The following GBF1 variants were observed in gnomAD, a reference collection of about 807,000 sequenced individuals.
GBF1 encodes Golgi-specific brefeldin A-resistance guanine nucleotide exchange factor 1.
GBF1 carries 114 observed loss-of-function variants against 210.5 expected under a neutral mutation model. The observed-to-expected ratio is 0.54, with a 90% CI of 0.47 to 0.63. The LOEUF is 0.63. Ranked by LOEUF, GBF1 falls within the 30% of genes least tolerant of loss-of-function variation. The pLI is 0.00. For synonymous variants in GBF1, 850 were observed against 889.2 expected, an observed-to-expected ratio of 0.96 and a Z score of 0.78; for missense variants, 1,851 against 2,357.7, an observed-to-expected ratio of 0.79 and a Z score of 4.45.
At chr10:102,324,953 G>A (rs554600394) in intron 3 of GBF1, among the ~76,000 whole-genome samples, 2 of 152,136 alleles carry the variant, frequency 1.3e-5, no homozygotes, top group Admixed American at 6.5e-5. Flanking sequence ...TAGTATTCTT[G>A]TGAGAATTAC....
intron 3 of GBF1, among the ~76,000 whole-genome samples, chr10:102,261,058 T>C (rs955088579): frequency 6.6e-6 from 1 of 152,196 alleles, no homozygotes; most frequent in African/African-American, 2.4e-5. Flanking sequence ...GTCCCCTTTT[T>C]GTGAAAGAAG....
intron 3 of GBF1, among the ~76,000 whole-genome samples, chr10:102,317,902 T>TTTTATTTTA (rs1554962614): frequency 7.4e-5 from 5 of 67,156 alleles, no homozygotes; most frequent in South Asian, 1.5e-3. Flanking sequence ...ATTTATTTAT[T>TTTTATTTTA]TTTATTTATT....
At chr10:102,231,165 C>T in the GBF1 span, 1 of 1,423,138 alleles carries the variant, frequency 7.0e-7, no homozygotes, top group Non-Finnish European at 9.2e-7. Flanking sequence ...AAGGGCGGGC[C>T]ACCCCGACGG....
chr10:102,290,304 G>A (rs2076328901), intron 3 of GBF1, among the ~76,000 whole-genome samples: 1 of 152,010 alleles, frequency 6.6e-6, no homozygotes, highest in Non-Finnish European at 1.5e-5. Flanking sequence ...GGGGCCAGAA[G>A]TTCTTAGCAT....
intron 3 of GBF1, among the ~76,000 whole-genome samples, chr10:102,295,361 A>G (rs75604961): frequency 0.01 from 1,568 of 152,350 alleles, 23 homozygotes; most frequent in African/African-American, 0.036. Flanking sequence ...CATATCAAAC[A>G]GTTGCAATAT....
chr10:102,240,498 C>T (rs565982265), upstream of GBF1, among the ~76,000 whole-genome samples: 6 of 152,366 alleles, frequency 3.9e-5, no homozygotes, highest in South Asian at 2.1e-4. Context: ...GGTGACCCAC[C>T]GCAGCCGACC....
At chr10:102,357,458 G>A (rs1378110971) in intron 8 of GBF1, among the ~76,000 whole-genome samples, 1 of 150,614 alleles carries the variant, frequency 6.6e-6, no homozygotes, top group Non-Finnish European at 1.5e-5. Flanking sequence ...CTGCACTCCA[G>A]CCTGGGTGGC....
chr10:102,358,760 A>T, intron 10 of GBF1, 31 bp downstream of exon 10: 1 of 1,375,404 alleles, frequency 7.3e-7, no homozygotes, highest in Non-Finnish European at 1.0e-6. Context: ...GTCCCTCTTC[A>T]GTATTCCACT....
chr10:102,230,873 A>T, the GBF1 span: 16 of 1,607,110 alleles, frequency 1.0e-5, no homozygotes, highest in Non-Finnish European at 1.3e-5. Flanking sequence ...ACGGGCTGCG[A>T]AGCCAGAGGC....
chr10:102,333,774 T>G (rs755244992), intron 3 of GBF1, among the ~76,000 whole-genome samples: 1 of 152,136 alleles, frequency 6.6e-6, no homozygotes, highest in Admixed American at 6.6e-5. Context: ...GAACACAGCT[T>G]CTTCCTACGG....
intron 4 of GBF1, among the ~76,000 whole-genome samples, chr10:102,345,262 A>G (rs1430320363): frequency 2.0e-5 from 3 of 149,508 alleles, no homozygotes; most frequent in Non-Finnish European, 4.5e-5. Flanking sequence ...AACCTGAGCA[A>G]CAGAGCGAGA....
At chr10:102,253,456 CA>C (rs1191817191) in intron 1 of GBF1, among the ~76,000 whole-genome samples, 1 of 152,146 alleles carries the variant, frequency 6.6e-6, no homozygotes, top group Admixed American at 6.5e-5. Context: ...AATTGTTATT[CA>C]AATTCATATT....
Position 102,344,073 on chromosome 10 carries a change from T to G in GBF1, c.186T>G (p.Asn62Lys), listed in dbSNP as rs1259523841. The change falls in exon 4 of 40, where the codon AAT (asparagine) becomes AAG (lysine). Residue 62 changes from asparagine to lysine, a missense_variant. Transcript: ENST00000369983. ...SITELSEIEP[N>K]VFLRPFLEVI... ...CAGAACTCTCAGAAATTGAGCCCAA[T>G]GTATTCCTTCGACCTTTTCTGGAAG... The G allele has an allele frequency of 6.2e-7, 1 of 1,612,758 alleles. No homozygotes were observed. The highest frequency in any genetic ancestry group is 8.5e-7 in the Non-Finnish European group (1 of 1,178,722).
chr10:102,235,804 G>A, the GBF1 span, among the ~76,000 whole-genome samples: 2 of 152,182 alleles, frequency 1.3e-5, no homozygotes, highest in Non-Finnish European at 2.9e-5. Flanking sequence ...GAATGAAGGT[G>A]AGTACGCTGC....
intron 4 of GBF1, among the ~76,000 whole-genome samples, chr10:102,346,794 A>G (rs541012796): frequency 1.3e-5 from 2 of 152,322 alleles, no homozygotes; most frequent in South Asian, 4.1e-4. Context: ...GATGTGAGCC[A>G]TTGCACTCAG....
At chr10:102,240,525 A>G (rs1023877137), upstream of GBF1, among the ~76,000 whole-genome samples, 3 of 152,242 alleles carry the variant, frequency 2.0e-5, no homozygotes, top group Non-Finnish European at 4.4e-5. Context: ...CACACGCAGC[A>G]GCTGGGCAGG....
intron 3 of GBF1, among the ~76,000 whole-genome samples, chr10:102,302,535 C>T (rs545498637): frequency 6.6e-6 from 1 of 152,264 alleles, no homozygotes; most frequent in South Asian, 2.1e-4. Flanking sequence ...GGCCCTTAGG[C>T]AAGGTCCTGA....
chr10:102,339,410 T>A (rs184481065), intron 3 of GBF1, among the ~76,000 whole-genome samples: 1 of 151,346 alleles, frequency 6.6e-6, no homozygotes, highest in East Asian at 2.0e-4. Context: ...CTTATGCCTG[T>A]AATGCCAGCA....
At chr10:102,371,505 G>A (rs1388590093) in intron 29 of GBF1, among the ~76,000 whole-genome samples, 1 of 152,208 alleles carries the variant, frequency 6.6e-6, no homozygotes, top group Non-Finnish European at 1.5e-5. Flanking sequence ...TCCCCAAATT[G>A]ATCTGTAAAT....
Sources: allele counts gnomAD v4.1 joint callset (sites outside exome capture counted in the v4.1 genomes callset), GRCh38; gene constraint gnomAD v4.1.1; transcripts MANE v1.5; gene names NCBI Gene and HGNC (gene_info 2026-07-23, HGNC 2026-07-21).